PML: variants seen among roughly 807,000 people sequenced by gnomAD.
PML encodes protein PML.
PML carries 28 observed loss-of-function variants against 65.2 expected under a neutral mutation model. That is an observed-to-expected ratio of 0.43 (90% CI 0.32 to 0.59). PML has a LOEUF of 0.59. PML is among the 20% of genes least tolerant of loss of function. The pLI is 0.08. For missense variants in PML, 1,021 were observed against 1,203.4 expected (o/e 0.85, Z 2.24); for synonymous variants, 500 against 508.8 (o/e 0.98, Z 0.23).
At chr15:74,029,836 G>GACTTT in intron 4 of PML, among the ~76,000 whole-genome samples, 1 of 152,148 alleles carries the variant, frequency 6.6e-6, no homozygotes, top group Non-Finnish European at 1.5e-5. Context: ...TTTCCTAGAG[G>GACTTT]CCTGGCAGAG....
At chr15:74,016,310 A>T (rs1263306288) in intron 2 of PML, among the ~76,000 whole-genome samples, 1 of 151,954 alleles carries the variant, frequency 6.6e-6, no homozygotes, top group Non-Finnish European at 1.5e-5. Flanking sequence ...AATAAATAAA[A>T]TAAAATACAC....
At position 74,042,377 on chromosome 15, in the gene PML, C is replaced by T. The variant is rs1001425536; in HGVS notation, c.1711-612C>T. 2.0e-6 allele frequency: 2 copies of T among 985,334 alleles called. No homozygotes were observed. Among genetic ancestry groups the T allele is most frequent in the Non-Finnish European group, 2.4e-6 (2 of 829,926 alleles). 61.0% of individuals were successfully genotyped at this position (985,334 alleles called of 1,614,324 possible). On this transcript the variant is annotated intron_variant, in intron 7 of 8. Transcript: ENST00000268058. The surrounding 1 kb of genome is among the most constrained non-coding windows in gnomAD (Gnocchi z 5.3). ...CTTCCCCTCGCCTTTGTGTAGGACA[C>T]TGGCACCTCGGCTGACTTCGGGGAC...
intron 6 of PML, chr15:74,033,752 A>C: frequency 1.7e-6 from 1 of 595,444 alleles, no homozygotes; most frequent in South Asian, 2.1e-5. Flanking sequence ...GGGCTTGGGC[A>C]TACCATAACA....
chr15:73,998,557 A>AAG (rs2069613701), intron 2 of PML, 81 bp downstream of exon 2: 2 of 1,219,768 alleles, frequency 1.6e-6, no homozygotes, highest in Non-Finnish European at 2.4e-6. Context: ...AAAGAGTCAC[A>AAG]CAGCTGAGGA....
Position 74,045,015 on chromosome 15 carries a change from G to C in PML, c.*7G>C. 1 of 1,590,658 alleles carries C rather than the reference G, an allele frequency of 6.3e-7. No individual in the cohort carries two copies. The stretch of plus-strand genomic sequence containing the variant: ...GGCCTCCCAGCAGAGCTGAGAGGAG[G>C]GGGTGACCAGCTTGGAGTCTCTGGT... On this transcript the variant is annotated 3_prime_UTR_variant, in exon 9 of 9. Transcript: ENST00000268058.
At chr15:74,021,691 A>G (rs572230759) in intron 2 of PML, among the ~76,000 whole-genome samples, 4 of 152,298 alleles carry the variant, frequency 2.6e-5, no homozygotes, top group African/African-American at 4.8e-5. Context: ...TGATTAGGCT[A>G]TATAACTTGG....
In PML at chr15:74,042,819, C is replaced by T. The variant is rs2141896450; in HGVS notation, c.1711-170C>T. The T allele has an allele frequency of 2.0e-6, 2 of 985,324 alleles. No homozygotes were observed. The highest frequency in any genetic ancestry group is 2.4e-6 in the Non-Finnish European group (2 of 829,910). 61.0% of individuals were successfully genotyped at this position (985,324 alleles called of 1,614,324 possible). On this transcript the variant is annotated intron_variant, in intron 7 of 8. Transcript: ENST00000268058. This position sits in a 1 kb window ranked among gnomAD's most constrained non-coding sequence, Gnocchi z 5.3. ...CCTCACATGTGACACACCCAGTTCA[C>T]ACCCATTCATGCACACATACCTTCT...
chr15:74,033,918 G>A, intron 6 of PML: 1 of 381,484 alleles, frequency 2.6e-6, no homozygotes, highest in Non-Finnish European at 4.8e-6. Context: ...GGCAGGAGTT[G>A]AGGTCAACCC....
Position 74,022,873 on chromosome 15 carries a change from G to A in PML, c.648G>A (p.Ala216=), listed in dbSNP as rs371576035. 8 of 1,613,690 alleles carry A rather than the reference G, an allele frequency of 5.0e-6. No individual in the cohort carries two copies. The highest frequency in any genetic ancestry group is 1.7e-5 in the Admixed American group (1 of 59,996). The change falls in exon 3 of 9, where the codon GCG becomes GCA. Residue 216 remains alanine, a synonymous_variant. Coordinates refer to ENST00000268058, the MANE Select transcript of PML (RefSeq NM_033238.3). The part of the protein sequence containing the change: ...GCSKPLCCSC[A]LLDSSHSELK... ...CCAAGCCGCTGTGCTGCTCGTGCGC[G>A]CTCCTTGACAGCAGCCACAGTGAGC... is the stretch of plus-strand genomic sequence containing the variant.
chr15:74,004,027 GT>G (rs966479008), intron 2 of PML, among the ~76,000 whole-genome samples: 1 of 152,178 alleles, frequency 6.6e-6, no homozygotes, highest in African/African-American at 2.4e-5. Flanking sequence ...AGTCTCTGGT[GT>G]TGTAGATGAG....
chr15:74,033,858 C>G (rs2071427538), intron 6 of PML: 1 of 484,042 alleles, frequency 2.1e-6, no homozygotes, highest in Non-Finnish European at 3.6e-6. Flanking sequence ...CTAAGTATCT[C>G]ATTTGTCAGA....
In PML at chr15:73,999,903, C is replaced by T. The variant is rs1282262787; in HGVS notation, c.602+1427C>T. On this transcript the variant is annotated intron_variant, in intron 2 of 8. Transcript: ENST00000268058. Reference sequence around the variant, plus strand: ...AGGCTGGAGTGCAGTGGCGCGATCTCGGCTCACTGCAACCTCCACCTCCCG... The same window carrying T: ...AGGCTGGAGTGCAGTGGCGCGATCTTGGCTCACTGCAACCTCCACCTCCCG... Among the ~76,000 whole-genome samples the T allele has an allele frequency of 4.1e-5, 6 of 146,464 alleles. 1 individual carries two copies. The highest frequency in any genetic ancestry group is 7.5e-5 in the Non-Finnish European group (5 of 66,884).
Position 74,045,474 on chromosome 15 carries a change from T to C in PML, c.*466T>C, listed in dbSNP as rs906259573. 1.6e-4 allele frequency: 38 copies of C among 242,680 alleles called. No individual in the cohort carries two copies. Among genetic ancestry groups the C allele is most frequent in the Non-Finnish European group, 2.7e-4 (33 of 124,492 alleles). 15.0% of individuals were successfully genotyped at this position (242,680 alleles called of 1,614,324 possible). The stretch of plus-strand genomic sequence containing the variant: ...CCTGGCAGCCCATGGCAACTCAAAG[T>C]GCCTTCCAAACCAAACTGCCCCTCA... On this transcript the variant is annotated 3_prime_UTR_variant, in exon 9 of 9. Transcript: ENST00000268058.
intron 2 of PML, among the ~76,000 whole-genome samples, chr15:74,015,999 C>T (rs2070555377): frequency 6.6e-6 from 1 of 152,170 alleles, no homozygotes; most frequent in Non-Finnish European, 1.5e-5. Flanking sequence ...CACTACTCGG[C>T]CAGGCGAGAT....
At chr15:74,018,334 A>AAAG (rs1214979779) in intron 2 of PML, among the ~76,000 whole-genome samples, 1 of 151,552 alleles carries the variant, frequency 6.6e-6, no homozygotes, top group East Asian at 1.9e-4. Flanking sequence ...AAAAAAAAAA[A>AAAG]AAAGAAAAGA....
chr15:74,044,053 C>T (rs8032123), intron 8 of PML, among the ~76,000 whole-genome samples, 168 bp from the exon 9 acceptor site: 142,807 of 152,132 alleles, frequency 0.94, 67,664 homozygotes, highest in East Asian at 1. Flanking sequence ...TGCTATCCCA[C>T]CACAACCAGG....
chr15:74,042,441 C>G lies in PML; in HGVS notation c.1711-548C>G. 3 of 985,400 alleles carry G rather than the reference C, an allele frequency of 3.0e-6. No homozygotes were observed. Among genetic ancestry groups the G allele is most frequent in the Non-Finnish European group, 3.6e-6 (3 of 829,886 alleles). The allele number at this position is 985,400 out of a possible 1,614,324, so 61.0% of individuals were successfully genotyped here. On this transcript the variant is annotated intron_variant, in intron 7 of 8. Transcript: ENST00000268058. This position sits in a 1 kb window ranked among gnomAD's most constrained non-coding sequence, Gnocchi z 5.3. The stretch of plus-strand genomic sequence containing the variant: ...CTCCCGACCCCTTCCAAAGAATCAT[C>G]TGGGGTTCAAGATGAGGCTTCTTTC...
chr15:73,997,889 C>G, intron 1 of PML, 115 bp from the exon 2 acceptor site: 2 of 891,306 alleles, frequency 2.2e-6, no homozygotes, highest in Non-Finnish European at 1.8e-6. Flanking sequence ...CATCCAATGA[C>G]TGGCTGGAAT....
At chr15:74,019,352 C>T (rs562971208) in intron 2 of PML, among the ~76,000 whole-genome samples, 1 of 152,328 alleles carries the variant, frequency 6.6e-6, no homozygotes, top group African/African-American at 2.4e-5. Context: ...TGTCCAAGAT[C>T]CAAAGGGGGA....
Sources: gnomAD v4.1 joint callset for allele counts (sites outside exome capture counted in the v4.1 genomes callset) on GRCh38, gnomAD v4.1.1 for gene constraint, Gnocchi (gnomAD v3.1) non-coding constraint, MANE v1.5 for transcripts, NCBI Gene and HGNC (gene_info 2026-07-23, HGNC 2026-07-21) for gene names.